Variants in FOXP1 observed in about 807,000 individuals in gnomAD.
FOXP1 encodes the protein forkhead box protein P1.
A neutral mutation model predicts 98.2 loss-of-function variants in FOXP1; 15 were observed. That is an observed-to-expected ratio of 0.15 (90% CI 0.10 to 0.24). FOXP1 has a LOEUF of 0.24. Ranked by LOEUF, FOXP1 falls within the 10% of genes least tolerant of loss-of-function variation. FOXP1 has a pLI of 1.00. For missense variants in FOXP1, 633 were observed against 848.5 expected (o/e 0.75, Z 3.15); for synonymous variants, 371 against 314.5 (o/e 1.18, Z -1.90).
intron 6 of FOXP1, among the ~76,000 whole-genome samples, chr3:71,151,263 T>A (rs771804905): frequency 3.3e-5 from 5 of 152,228 alleles, no homozygotes; most frequent in Non-Finnish European, 7.3e-5. Context: ...TCATGCTGTA[T>A]TTTATTGATC....
chr3:71,217,223 C>T (rs930560884), intron 5 of FOXP1, among the ~76,000 whole-genome samples: 1 of 152,130 alleles, frequency 6.6e-6, no homozygotes, highest in East Asian at 1.9e-4. Context: ...CAGGCATGTG[C>T]CACCACGCCC....
intron 6 of FOXP1, among the ~76,000 whole-genome samples, chr3:71,116,461 T>C (rs1359121822): frequency 6.6e-6 from 1 of 152,086 alleles, no homozygotes; most frequent in South Asian, 2.1e-4. Context: ...AGCCCCCAAA[T>C]GAATAAACAC....
chr3:71,176,743 CAAAAAAAAA>C lies in FOXP1; in HGVS notation c.180+21450_180+21458del, dbSNP rs573639526. Among the ~76,000 whole-genome samples the C allele has an allele frequency of 2.9e-3, 218 of 75,550 alleles. 3 individuals are homozygous for C. Among genetic ancestry groups the C allele is most frequent in the African/African-American group, 0.013 (208 of 16,118 alleles). 49.6% of individuals were successfully genotyped at this position (75,550 alleles called of 152,430 possible). A position where few individuals can be genotyped will look rare whatever the true frequency, so the allele number is the denominator to read the frequency against. The stretch of plus-strand genomic sequence containing the variant: ...AGGGCAACAGAGCAAGAGGCTATCT[CAAAAAAAAA>C]AAAAAAAAAAAAAAAAAAAGAGCCG... On this transcript the variant is annotated intron_variant, in intron 6 of 20. Coordinates refer to ENST00000649528, the MANE Select transcript of FOXP1 (RefSeq NM_001349338.3).
At chr3:71,269,089 G>T (rs899354359) in intron 5 of FOXP1, among the ~76,000 whole-genome samples, 23 of 135,016 alleles carry the variant, frequency 1.7e-4, no homozygotes, top group South Asian at 2.4e-4. Flanking sequence ...TCAGAGTGGG[G>T]TTTTTTTTGT....
chr3:71,312,881 C>G (rs1017660364), intron 4 of FOXP1, among the ~76,000 whole-genome samples: 1 of 152,016 alleles, frequency 6.6e-6, no homozygotes, highest in African/African-American at 2.4e-5. Context: ...GTCCCAGGTA[C>G]TCAGGAGGCT....
chr3:71,335,794 C>T (rs557979054), intron 4 of FOXP1, among the ~76,000 whole-genome samples: 2 of 151,954 alleles, frequency 1.3e-5, no homozygotes, highest in Non-Finnish European at 2.9e-5. Flanking sequence ...CACCTGAGTT[C>T]AGGAGTTTGA....
chr3:71,476,072 G>A lies in FOXP1; in HGVS notation c.-168+17354C>T, dbSNP rs547309700. Among the ~76,000 whole-genome samples, 6 of 152,196 alleles carry A rather than the reference G, an allele frequency of 3.9e-5. No homozygotes were observed. The East Asian group carries it at 9.7e-4, about 25-fold the overall frequency. On this transcript the variant is annotated intron_variant, in intron 3 of 20. Transcript: ENST00000649528. ...ACAACCTCAAGAAAGCAGATTATCC[G>A]ATAGCATTCAAAGTGAAACATCACT...
At chr3:71,434,278 C>G (rs982965883) in intron 3 of FOXP1, among the ~76,000 whole-genome samples, 19 of 151,794 alleles carry the variant, frequency 1.3e-4, no homozygotes, top group Admixed American at 5.3e-4. Context: ...CTAGAGCCCC[C>G]CCGAAGACTT....
At chr3:71,049,067 G>T (rs942265550) in intron 9 of FOXP1, among the ~76,000 whole-genome samples, 1 of 152,052 alleles carries the variant, frequency 6.6e-6, no homozygotes, top group East Asian at 1.9e-4. Context: ...CACAGGATAC[G>T]GGTCCATTTG....
intron 3 of FOXP1, among the ~76,000 whole-genome samples, chr3:71,390,238 A>G (rs1418173671): frequency 2.0e-5 from 3 of 152,170 alleles, no homozygotes; most frequent in Admixed American, 6.6e-5. Flanking sequence ...CTGTAACTCA[A>G]AACCTCCTCT....
chr3:70,971,141 G>A, intron 18 of FOXP1: 1 of 354,450 alleles, frequency 2.8e-6, no homozygotes, highest in Admixed American at 4.0e-5. Flanking sequence ...CAGCCTAGGA[G>A]GTCGTGCTGG....
chr3:71,003,619 T>C (rs577043508), intron 12 of FOXP1, among the ~76,000 whole-genome samples: 1 of 152,262 alleles, frequency 6.6e-6, no homozygotes, highest in African/African-American at 2.4e-5. Context: ...TTATAACTAA[T>C]CTAAATAAGT....
chr3:71,282,683 G>A (rs2071697857), intron 5 of FOXP1, among the ~76,000 whole-genome samples: 1 of 152,110 alleles, frequency 6.6e-6, no homozygotes, highest in African/African-American at 2.4e-5. Flanking sequence ...AGCAAGACCA[G>A]GCCCCCAACC....
At chr3:71,143,670 G>A (rs1247639424) in intron 6 of FOXP1, among the ~76,000 whole-genome samples, 1 of 152,154 alleles carries the variant, frequency 6.6e-6, no homozygotes, top group African/African-American at 2.4e-5. Context: ...GAGATGGGAG[G>A]ATCGCTTGAG....
At chr3:71,285,825 T>C (rs1305512509) in intron 5 of FOXP1, among the ~76,000 whole-genome samples, 1 of 152,122 alleles carries the variant, frequency 6.6e-6, no homozygotes, top group Non-Finnish European at 1.5e-5. Context: ...TGGCCTGGGG[T>C]CTGTCATTTC....
Position 71,198,205 on chromosome 3 carries a change from TTGCTGC to T in FOXP1, c.171_176del (p.Gln59_Gln60del), listed in dbSNP as rs370638902. The T allele has an allele frequency of 6.2e-7, 1 of 1,614,044 alleles. No homozygotes were observed. Among genetic ancestry groups the T allele is most frequent in the Non-Finnish European group, 8.5e-7 (1 of 1,180,022 alleles). ...CCAAGACTCCAAAGCCCAGTACCTGTTGCTGCTGCTGCTGGGCGTGGGCGAGGTCAG... is the reference window on the plus strand; with the variant it reads ...CCAAGACTCCAAAGCCCAGTACCTGTTGCTGCTGGGCGTGGGCGAGGTCAG... On this transcript the variant is annotated inframe_deletion, in exon 6 of 21. Transcript: ENST00000649528.
chr3:71,031,958 A>C (rs1428347501), intron 11 of FOXP1, among the ~76,000 whole-genome samples: 1 of 152,216 alleles, frequency 6.6e-6, no homozygotes, highest in Non-Finnish European at 1.5e-5. Context: ...CACGTGCTTC[A>C]AAAAATAAAG....
intron 7 of FOXP1, among the ~76,000 whole-genome samples, chr3:71,095,519 C>G (rs1056234174): frequency 6.6e-6 from 1 of 152,168 alleles, no homozygotes; most frequent in Non-Finnish European, 1.5e-5. Flanking sequence ...TAGTTCCACA[C>G]TGGCAGTTTT....
intron 3 of FOXP1, among the ~76,000 whole-genome samples, chr3:71,477,421 AG>A (rs1156561919): frequency 1.3e-5 from 2 of 152,240 alleles, no homozygotes; most frequent in African/African-American, 4.8e-5. Flanking sequence ...AATTATGTGT[AG>A]GTTGCCATGA....
Sources: allele counts gnomAD v4.1 joint callset (sites outside exome capture counted in the v4.1 genomes callset), GRCh38; gene constraint gnomAD v4.1.1; transcripts MANE v1.5; gene names NCBI Gene and HGNC (gene_info 2026-07-23, HGNC 2026-07-21).